PAK5: variants seen among roughly 807,000 people sequenced by gnomAD.
The protein encoded by PAK5 is serine/threonine-protein kinase PAK 5.
In PAK5, 16 loss-of-function variants were observed where a neutral mutation model predicts 65.9. The observed-to-expected ratio is 0.24, with a 90% CI of 0.16 to 0.37. The LOEUF is 0.37. Ranked by LOEUF, PAK5 falls within the 10% of genes least tolerant of loss-of-function variation. The pLI is 1.00. For missense variants in PAK5, 785 were observed against 903.9 expected, an observed-to-expected ratio of 0.87 and a Z score of 1.69; for synonymous variants, 371 against 354.9, an observed-to-expected ratio of 1.05 and a Z score of -0.51.
At chr20:9,705,642 A>G (rs1199875676) in intron 2 of PAK5, among the ~76,000 whole-genome samples, 5 of 152,170 alleles carry the variant, frequency 3.3e-5, no homozygotes, top group African/African-American at 1.2e-4. Context: ...GCAAACCGAG[A>G]TGGTTGGTTA....
intron 3 of PAK5, among the ~76,000 whole-genome samples, chr20:9,611,836 A>C (rs1054505794): frequency 2.6e-5 from 4 of 152,172 alleles, no homozygotes; most frequent in Non-Finnish European, 5.9e-5. Context: ...GCTCCCTGGG[A>C]ATCAGACAGA....
At chr20:9,591,919 G>A (rs1268766937) in intron 3 of PAK5, among the ~76,000 whole-genome samples, 1 of 152,080 alleles carries the variant, frequency 6.6e-6, no homozygotes, top group African/African-American at 2.4e-5. Context: ...TAAGAAACTT[G>A]TTAATCTGGA....
At chr20:9,807,601 A>T (rs2049248259) in intron 1 of PAK5, among the ~76,000 whole-genome samples, 1 of 151,994 alleles carries the variant, frequency 6.6e-6, no homozygotes, top group Admixed American at 6.6e-5. Flanking sequence ...ATAAACTTAC[A>T]AGTCAATGTG....
chr20:9,715,147 T>G (rs978324125), intron 1 of PAK5, among the ~76,000 whole-genome samples: 16 of 152,080 alleles, frequency 1.1e-4, no homozygotes, highest in African/African-American at 3.9e-4. Context: ...ATCTACTCAT[T>G]TGACAAAGGG....
chr20:9,693,012 GT>G (rs1448758517), intron 2 of PAK5, among the ~76,000 whole-genome samples: 1 of 152,118 alleles, frequency 6.6e-6, no homozygotes, highest in Non-Finnish European at 1.5e-5. Context: ...AGCAATGCTA[GT>G]TTCTCCTCTA....
chr20:9,626,228 A>C (rs2046841792), intron 3 of PAK5, among the ~76,000 whole-genome samples: 1 of 152,218 alleles, frequency 6.6e-6, no homozygotes, highest in Non-Finnish European at 1.5e-5. Flanking sequence ...ACTTAAAATA[A>C]TATTGCAAAT....
intron 3 of PAK5, among the ~76,000 whole-genome samples, chr20:9,606,054 A>T (rs1246164858): frequency 2.0e-5 from 3 of 152,226 alleles, no homozygotes; most frequent in Non-Finnish European, 4.4e-5. Flanking sequence ...GTCCCTGCCC[A>T]AATTTCATGT....
At chr20:9,637,550 G>T (rs2046998380) in intron 3 of PAK5, among the ~76,000 whole-genome samples, 1 of 151,928 alleles carries the variant, frequency 6.6e-6, no homozygotes, top group South Asian at 2.1e-4. Flanking sequence ...AGATGTCCAT[G>T]ACAATATTAT....
At chr20:9,621,158 G>A (rs568558683) in intron 3 of PAK5, among the ~76,000 whole-genome samples, 1 of 152,134 alleles carries the variant, frequency 6.6e-6, no homozygotes, top group East Asian at 1.9e-4. Flanking sequence ...GGAGAAGATG[G>A]TCACTGCTGA....
At chr20:9,603,208 T>C (rs2123114680) in intron 3 of PAK5, among the ~76,000 whole-genome samples, 1 of 152,300 alleles carries the variant, frequency 6.6e-6, no homozygotes, top group South Asian at 2.1e-4. Flanking sequence ...ACTTTCTGGG[T>C]AGATGGAGCT....
intron 1 of PAK5, among the ~76,000 whole-genome samples, chr20:9,727,486 A>G (rs59577834): frequency 0.017 from 2,566 of 152,234 alleles, 76 homozygotes; most frequent in African/African-American, 0.059. Context: ...CCTGCTCTCT[A>G]CAAACTTTGT....
intron 2 of PAK5, among the ~76,000 whole-genome samples, chr20:9,657,415 GT>G (rs368535819): frequency 3.6e-4 from 54 of 152,110 alleles, no homozygotes; most frequent in African/African-American, 1.3e-3. Context: ...TAGTTTGGTT[GT>G]TTCTAGTTTT....
intron 2 of PAK5, among the ~76,000 whole-genome samples, chr20:9,694,293 CGTGTGTGTGTTTGTGT>C (rs1264208599): frequency 3.8e-5 from 5 of 130,050 alleles, no homozygotes; most frequent in African/African-American, 1.5e-4. Flanking sequence ...CAGTGATGGC[CGTGTGTGTGTTTGTGT>C]GTGTGTGTGT....
chr20:9,696,294 A>C (rs1464769094), intron 2 of PAK5, among the ~76,000 whole-genome samples: 1 of 152,128 alleles, frequency 6.6e-6, no homozygotes, highest in Non-Finnish European at 1.5e-5. Context: ...GGGAGAAATG[A>C]AAATTCTTTT....
intron 1 of PAK5, among the ~76,000 whole-genome samples, chr20:9,816,775 A>G (rs1260538538): frequency 1.3e-5 from 2 of 152,140 alleles, no homozygotes; most frequent in African/African-American, 4.8e-5. Flanking sequence ...ACCATACCTT[A>G]TAATAAATCT....
At chr20:9,655,987 T>A (rs2047262558) in intron 2 of PAK5, among the ~76,000 whole-genome samples, 1 of 152,092 alleles carries the variant, frequency 6.6e-6, no homozygotes, top group Non-Finnish European at 1.5e-5. Flanking sequence ...CTCTTTAAAG[T>A]CCCTACCTCC....
intron 3 of PAK5, among the ~76,000 whole-genome samples, chr20:9,618,915 G>GTTTTTTTTTTT (rs150725498): frequency 2.1e-4 from 4 of 18,838 alleles, no homozygotes; most frequent in African/African-American, 2.4e-4. Flanking sequence ...TCTTTCTTTC[G>GTTTTTTTTTTT]TTTTTTTTTT....
At chr20:9,558,043 T>TATTTATTCATTCATTC (rs55861453) in intron 6 of PAK5, among the ~76,000 whole-genome samples, 2,895 of 138,828 alleles carry the variant, frequency 0.021, 100 homozygotes, top group African/African-American at 0.071. Context: ...TTTATTTATT[T>TATTTATTCATTCATTC]ATTCATTCAT....
intron 3 of PAK5, among the ~76,000 whole-genome samples, chr20:9,612,010 G>A (rs2046570126): frequency 6.6e-6 from 1 of 152,136 alleles, no homozygotes; most frequent in Non-Finnish European, 1.5e-5. Flanking sequence ...GAAAAACTCT[G>A]TTCTCCTCTT....
Sources: allele counts gnomAD v4.1 joint callset (sites outside exome capture counted in the v4.1 genomes callset), GRCh38; gene constraint gnomAD v4.1.1; transcripts MANE v1.5; gene names NCBI Gene and HGNC (gene_info 2026-07-23, HGNC 2026-07-21).